PLXNA4: variants seen among roughly 807,000 people sequenced by gnomAD.
PLXNA4 encodes plexin-A4.
A neutral mutation model predicts 191.8 loss-of-function variants in PLXNA4; 44 were observed. The ratio of observed to expected loss-of-function variants is 0.23; its 90% CI spans 0.18 to 0.29. The LOEUF (loss-of-function observed/expected upper bound fraction) is 0.29. Ranked by LOEUF, PLXNA4 falls within the 10% of genes least tolerant of loss-of-function variation. The pLI is 1.00. For missense variants in PLXNA4, 1,800 were observed against 2,488.8 expected, an observed-to-expected ratio of 0.72 and a Z score of 5.89; for synonymous variants, 1,082 against 1,009.5, an observed-to-expected ratio of 1.07 and a Z score of -1.36.
At chr7:132,165,349 A>G (rs1297631164) in intron 22 of PLXNA4, 149 bp from the exon 23 acceptor site, 1 of 1,254,912 alleles carries the variant, frequency 8.0e-7, no homozygotes, top group Non-Finnish European at 1.0e-6. Flanking sequence ...CCTAATGAAT[A>G]TGAGAGTTTC....
rs1397276981 is a variant in PLXNA4 at position 132,284,145 on chromosome 7, C to T, written c.1503+13946G>A. 3.3e-5 allele frequency among the ~76,000 whole-genome samples: 5 copies of T among 152,348 alleles called. No individual in the cohort carries two copies. In the East Asian group the frequency reaches 9.6e-4, roughly 29 times the overall value. ...CTATGATGGCACCAGTGCACTCCAG[C>T]CTGGGTGGCAGAGTGAGACCCTATC... On this transcript the variant is annotated intron_variant, in intron 4 of 31. Coordinates refer to ENST00000321063, the MANE Select transcript of PLXNA4 (RefSeq NM_020911.2).
At chr7:132,307,498 A>C (rs367889430) in intron 3 of PLXNA4, among the ~76,000 whole-genome samples, 1 of 152,218 alleles carries the variant, frequency 6.6e-6, no homozygotes, top group East Asian at 1.9e-4. Flanking sequence ...AAAACACTCA[A>C]AGTAATCATC....
intron 1 of PLXNA4, among the ~76,000 whole-genome samples, chr7:132,545,867 G>A (rs771571678): frequency 6.6e-5 from 10 of 152,234 alleles, no homozygotes; most frequent in Non-Finnish European, 1.2e-4. Context: ...CCTGGACCCT[G>A]CAGGAGGTGG....
chr7:132,183,765 G>T (rs1468067491), intron 16 of PLXNA4, among the ~76,000 whole-genome samples: 1 of 152,148 alleles, frequency 6.6e-6, no homozygotes, highest in Admixed American at 6.5e-5. Context: ...AGAAGGTTTG[G>T]GCCTGATAGA....
intron 4 of PLXNA4, among the ~76,000 whole-genome samples, chr7:132,274,242 G>A (rs1444732548): frequency 6.6e-6 from 1 of 151,696 alleles, no homozygotes; most frequent in African/African-American, 2.4e-5. Flanking sequence ...TATATCATAA[G>A]TGTAGTGGTA....
At chr7:132,216,737 G>A (rs1229031557) in intron 9 of PLXNA4, among the ~76,000 whole-genome samples, 2 of 152,088 alleles carry the variant, frequency 1.3e-5, no homozygotes, top group African/African-American at 2.4e-5. Flanking sequence ...TAAGGACACC[G>A]TTTACGTCAC....
At chr7:132,544,424 T>C (rs910611023) in intron 1 of PLXNA4, among the ~76,000 whole-genome samples, 1 of 152,220 alleles carries the variant, frequency 6.6e-6, no homozygotes, top group Non-Finnish European at 1.5e-5. Flanking sequence ...ATTCCCGTTT[T>C]GGGGAAGGAG....
intron 14 of PLXNA4, among the ~76,000 whole-genome samples, chr7:132,191,833 T>TACACAC (rs147734395): frequency 2.7e-5 from 4 of 147,110 alleles, no homozygotes; most frequent in African/African-American, 7.7e-5. Flanking sequence ...TATATATATA[T>TACACAC]ACACACACAC....
intron 3 of PLXNA4, among the ~76,000 whole-genome samples, chr7:132,309,859 G>A (rs1206945200): frequency 5.3e-5 from 8 of 152,174 alleles, no homozygotes; most frequent in East Asian, 1.9e-4. Flanking sequence ...CACAGAGCTC[G>A]GCACAGGGCA....
chr7:132,263,122 G>C lies in PLXNA4; in HGVS notation c.1504-21956C>G, dbSNP rs374120445. ...CTGAGGAAAGCACAAGTCCATATGA[G>C]AGAGGGAGGCTGAGCTTCTCCCCTG... On this transcript the variant is annotated intron_variant, in intron 4 of 31. Transcript: ENST00000321063. 2.0e-5 allele frequency among the ~76,000 whole-genome samples: 3 copies of C among 152,302 alleles called. No individual in the cohort carries two copies. The East Asian group carries it at 5.8e-4, about 29-fold the overall frequency.
chr7:132,213,537 G>A (rs1016758632), intron 9 of PLXNA4, among the ~76,000 whole-genome samples: 1 of 152,180 alleles, frequency 6.6e-6, no homozygotes, highest in Admixed American at 6.5e-5. Flanking sequence ...CTTGGGGAGA[G>A]TCTTAGCAGC....
intron 2 of PLXNA4, among the ~76,000 whole-genome samples, chr7:132,591,849 C>T (rs758361935): frequency 1.4e-4 from 21 of 152,156 alleles, no homozygotes; most frequent in Non-Finnish European, 2.6e-4. Context: ...TCTTTTGGCA[C>T]CTCAAATCCC....
intron 1 of PLXNA4, among the ~76,000 whole-genome samples, chr7:132,529,674 C>T (rs1799549136): frequency 6.7e-6 from 1 of 149,032 alleles, no homozygotes; most frequent in African/African-American, 2.5e-5. Context: ...GGTGCGATCT[C>T]GGCTCACTGC....
At chr7:132,444,466 G>T (rs1795819731) in intron 3 of PLXNA4, among the ~76,000 whole-genome samples, 1 of 152,192 alleles carries the variant, frequency 6.6e-6, no homozygotes, top group Non-Finnish European at 1.5e-5. Context: ...CAATGGCCAG[G>T]CTGATCTCGA....
At chr7:132,369,853 G>T (rs1804355437) in intron 3 of PLXNA4, among the ~76,000 whole-genome samples, 2 of 151,854 alleles carry the variant, frequency 1.3e-5, no homozygotes, top group Non-Finnish European at 2.9e-5. Context: ...CGGATCACAA[G>T]GTCAGGAGAT....
chr7:132,566,875 G>A (rs1026560292), intron 1 of PLXNA4, among the ~76,000 whole-genome samples: 6 of 152,160 alleles, frequency 3.9e-5, no homozygotes, highest in Non-Finnish European at 7.3e-5. Flanking sequence ...CAAGAGGCAG[G>A]CGGTGCCTCT....
intron 4 of PLXNA4, among the ~76,000 whole-genome samples, chr7:132,271,597 A>T (rs1459661017): frequency 6.6e-6 from 1 of 152,172 alleles, no homozygotes; most frequent in Non-Finnish European, 1.5e-5. Flanking sequence ...AAAATGGTCA[A>T]ATAATCCATG....
intron 27 of PLXNA4, among the ~76,000 whole-genome samples, chr7:132,147,691 G>A (rs1330249073): frequency 1.3e-5 from 2 of 152,178 alleles, no homozygotes; most frequent in Non-Finnish European, 2.9e-5. Flanking sequence ...TACTTCTTTT[G>A]CTCGTGGATG....
intron 3 of PLXNA4, among the ~76,000 whole-genome samples, chr7:132,323,295 T>C (rs1457298468): frequency 2.0e-5 from 3 of 152,224 alleles, no homozygotes; most frequent in Non-Finnish European, 4.4e-5. Context: ...TTGAGAGACA[T>C]GGGTGTGTTG....
Sources: gnomAD v4.1 joint callset for allele counts (sites outside exome capture counted in the v4.1 genomes callset) on GRCh38, gnomAD v4.1.1 for gene constraint, MANE v1.5 for transcripts, NCBI Gene and HGNC (gene_info 2026-07-23, HGNC 2026-07-21) for gene names.